The following EML4 variants were observed in gnomAD, a reference collection of about 807,000 sequenced individuals.
The protein encoded by EML4 is EMAP like 4, also known as echinoderm microtubule-associated protein-like 4.
A neutral mutation model predicts 129.0 loss-of-function variants in EML4; 72 were observed. That is an observed-to-expected ratio of 0.56 (90% CI 0.46 to 0.68). The LOEUF (loss-of-function observed/expected upper bound fraction) is 0.68, where lower values mean the gene tolerates loss of function less well. EML4 is among the 30% of genes least tolerant of loss of function. The pLI, the probability that EML4 is intolerant of heterozygous loss-of-function variation, is 0.00. For synonymous variants in EML4, 532 were observed against 405.0 expected, an observed-to-expected ratio of 1.31 and a Z score of -3.77; for missense variants, 1,363 against 1,190.6, an observed-to-expected ratio of 1.14 and a Z score of -2.13.
chr2:42,259,134 C>T (rs1466200953), intron 3 of EML4, among the ~76,000 whole-genome samples: 1 of 151,870 alleles, frequency 6.6e-6, no homozygotes, highest in African/African-American at 2.4e-5. Context: ...GTAATCTCAG[C>T]TGCTGGGGAA....
chr2:42,192,073 G>A (rs1271704598), intron 1 of EML4, among the ~76,000 whole-genome samples: 7 of 151,464 alleles, frequency 4.6e-5, no homozygotes, highest in Middle Eastern at 3.4e-3. Context: ...TGGGAGGCGA[G>A]GTTGCAGTGA....
chr2:42,204,787 T>C (rs1672442106), intron 1 of EML4, among the ~76,000 whole-genome samples: 1 of 152,190 alleles, frequency 6.6e-6, no homozygotes, highest in Admixed American at 6.5e-5. Flanking sequence ...TAACAGTTTT[T>C]CAGAATAATG....
chr2:42,287,190 C>G (rs1013100124), intron 10 of EML4, among the ~76,000 whole-genome samples: 1 of 152,114 alleles, frequency 6.6e-6, no homozygotes, highest in African/African-American at 2.4e-5. Context: ...GGAAAGGACA[C>G]TTTTAGAGCA....
intron 1 of EML4, among the ~76,000 whole-genome samples, chr2:42,210,185 C>CTGG (rs934077892): frequency 1.6e-4 from 25 of 152,174 alleles, no homozygotes; most frequent in African/African-American, 6.0e-4. Context: ...TCCAGGGTCC[C>CTGG]ATCCAGTTGT....
chr2:42,197,279 T>C (rs760141554), intron 1 of EML4, among the ~76,000 whole-genome samples: 1 of 152,078 alleles, frequency 6.6e-6, no homozygotes, highest in Non-Finnish European at 1.5e-5. Context: ...CCCAGGCTGG[T>C]CTCCAACTGT....
intron 1 of EML4, among the ~76,000 whole-genome samples, chr2:42,243,384 T>G (rs1675167116): frequency 6.6e-6 from 1 of 151,456 alleles, no homozygotes; most frequent in South Asian, 2.1e-4. Context: ...TAAAAATTTC[T>G]AAGGCGAGAG....
At chr2:42,225,531 C>T (rs1028974087) in intron 1 of EML4, among the ~76,000 whole-genome samples, 1 of 152,106 alleles carries the variant, frequency 6.6e-6, no homozygotes, top group African/African-American at 2.4e-5. Context: ...CTGAATTATT[C>T]TCCAGAAGAG....
chr2:42,262,933 T>C (rs1471171014), intron 4 of EML4, among the ~76,000 whole-genome samples: 2 of 152,190 alleles, frequency 1.3e-5, no homozygotes, highest in South Asian at 2.1e-4. Context: ...AAAGTGTTTT[T>C]TAAAAAAAAT....
Position 42,171,120 on chromosome 2 carries a change from T to C in EML4, c.25+1484T>C, listed in dbSNP as rs573716522. ...GATGTCTTGTAATTCCTTACTTAGG[T>C]TGGGCTCTTTTTAGAGAGACATCCA... On this transcript the variant is annotated intron_variant, in intron 1 of 22. Transcript: ENST00000318522. Among the ~76,000 whole-genome samples, 6 of 152,338 alleles carry C rather than the reference T, an allele frequency of 3.9e-5. No homozygotes were observed. The South Asian group carries it at 1.2e-3, about 32-fold the overall frequency.
chr2:42,276,487 C>T (rs1275317312), intron 6 of EML4, among the ~76,000 whole-genome samples: 2 of 152,150 alleles, frequency 1.3e-5, no homozygotes, highest in African/African-American at 4.8e-5. Flanking sequence ...ATAGACTCAG[C>T]AGAATTCTAG....
chr2:42,228,350 G>A (rs930339128), intron 1 of EML4, among the ~76,000 whole-genome samples: 1 of 152,196 alleles, frequency 6.6e-6, no homozygotes, highest in East Asian at 1.9e-4. Context: ...GATCGACATA[G>A]TTTTAGGAAT....
intron 1 of EML4, among the ~76,000 whole-genome samples, chr2:42,185,683 T>C (rs1398593471): frequency 6.6e-6 from 1 of 152,182 alleles, no homozygotes; most frequent in African/African-American, 2.4e-5. Flanking sequence ...TTCAGCGTCA[T>C]GCTGAAGAGT....
chr2:42,258,445 G>T (rs2104367995), intron 3 of EML4, among the ~76,000 whole-genome samples: 1 of 151,858 alleles, frequency 6.6e-6, no homozygotes, highest in East Asian at 1.9e-4. Context: ...TTGTTGCCCA[G>T]GCTGGAGTGC....
At position 42,225,561 on chromosome 2, in the gene EML4, C is replaced by T. The variant is rs1572578215; in HGVS notation, c.26-19944C>T. The stretch of plus-strand genomic sequence containing the variant: ...GAAGAGTTTGTCAATATATACTTCC[C>T]TTCAGAATGTATAAAAGTTCTGATG... On this transcript the variant is annotated intron_variant, in intron 1 of 22. Transcript: ENST00000318522. 1.3e-5 allele frequency among the ~76,000 whole-genome samples: 2 copies of T among 152,234 alleles called. 1 individual carries two copies. Among genetic ancestry groups the T allele is most frequent in the Admixed American group, 1.3e-4 (2 of 15,292 alleles).
Position 42,291,145 on chromosome 2 carries a change from G to A in EML4, c.1218+2823G>A, listed in dbSNP as rs116679142. On this transcript the variant is annotated intron_variant, in intron 11 of 22. Transcript: ENST00000318522. ...GGCGATGCAGTAGGCGCAGAATAAT[G>A]TTTTCAGTGAATGGTGCTGGCTTAA... Among the ~76,000 whole-genome samples, 834 of 152,222 alleles carry A rather than the reference G, an allele frequency of 5.5e-3. 6 individuals are homozygous for A. The highest frequency in any genetic ancestry group is 0.019 in the African/African-American group (801 of 41,542).
intron 1 of EML4, among the ~76,000 whole-genome samples, chr2:42,172,189 G>A (rs774314398): frequency 6.6e-6 from 1 of 151,938 alleles, no homozygotes; most frequent in African/African-American, 2.4e-5. Flanking sequence ...GAAAAATGGT[G>A]AAAAAACTAC....
At chr2:42,317,975 A>G (rs188505809) in intron 19 of EML4, among the ~76,000 whole-genome samples, 2 of 152,332 alleles carry the variant, frequency 1.3e-5, no homozygotes, top group Admixed American at 6.5e-5. Flanking sequence ...AACAGAAAGG[A>G]TGTTTCCTGT....
At chr2:42,219,397 A>G (rs1673413854) in intron 1 of EML4, among the ~76,000 whole-genome samples, 1 of 152,130 alleles carries the variant, frequency 6.6e-6, no homozygotes, top group African/African-American at 2.4e-5. Context: ...TATATGTAGG[A>G]GTCCTGTAAC....
intron 1 of EML4, among the ~76,000 whole-genome samples, chr2:42,230,452 G>T (rs764330490): frequency 1.6e-4 from 25 of 151,912 alleles, no homozygotes; most frequent in Non-Finnish European, 3.5e-4. Context: ...TGTTGCACAG[G>T]CTAGAGTACA....
Sources: gnomAD v4.1 joint callset for allele counts (sites outside exome capture counted in the v4.1 genomes callset) on GRCh38, gnomAD v4.1.1 for gene constraint, MANE v1.5 for transcripts, NCBI Gene and HGNC (gene_info 2026-07-23, HGNC 2026-07-21) for gene names.